Variants in ESF1 observed in about 807,000 individuals in gnomAD.
ESF1 encodes ESF1 nucleolar pre-rRNA processing protein, also known as ESF1 homolog.
Under a neutral mutation model 92.0 loss-of-function variants are expected in ESF1, and 58 were observed. The observed-to-expected ratio is 0.63, with a 90% CI of 0.51 to 0.78. The LOEUF (loss-of-function observed/expected upper bound fraction) is 0.78, where lower values mean the gene tolerates loss of function less well. Ranked by LOEUF, ESF1 falls within the 30% of genes least tolerant of loss-of-function variation. ESF1 has a pLI of 0.00. For missense variants in ESF1, 922 were observed against 989.1 expected, an observed-to-expected ratio of 0.93 and a Z score of 0.91; for synonymous variants, 321 against 313.7, an observed-to-expected ratio of 1.02 and a Z score of -0.24.
intron 10 of ESF1, among the ~76,000 whole-genome samples, chr20:13,732,691 C>G (rs1362858617): frequency 6.6e-6 from 1 of 152,026 alleles, no homozygotes; most frequent in Non-Finnish European, 1.5e-5. Flanking sequence ...CCCCAAGCTG[C>G]AAAATTTTGT....
At chr20:13,734,265 TA>T in intron 9 of ESF1, among the ~76,000 whole-genome samples, 1 of 152,328 alleles carries the variant, frequency 6.6e-6, no homozygotes, top group South Asian at 2.1e-4. Flanking sequence ...TGTCTTTAAT[TA>T]TCCCCACTTG....
chr20:13,735,132 T>A (rs545835030), intron 9 of ESF1, among the ~76,000 whole-genome samples: 6 of 152,024 alleles, frequency 3.9e-5, no homozygotes, highest in Admixed American at 3.9e-4. Context: ...TTTCCCCCCC[T>A]CAAAACATTT....
chr20:13,737,840 A>T (rs2147737395), intron 9 of ESF1, among the ~76,000 whole-genome samples: 1 of 152,336 alleles, frequency 6.6e-6, no homozygotes, highest in African/African-American at 2.4e-5. Context: ...TATTTTTAGT[A>T]GAGACAGGGT....
intron 9 of ESF1, among the ~76,000 whole-genome samples, chr20:13,753,023 T>C (rs2147754545): frequency 6.6e-6 from 1 of 152,158 alleles, no homozygotes; most frequent in East Asian, 1.9e-4. Flanking sequence ...TCTAGAACTC[T>C]GTGTGCTCCT....
chr20:13,776,383 T>A, intron 2 of ESF1, 113 bp from the exon 3 acceptor site: 2 of 974,200 alleles, frequency 2.1e-6, no homozygotes, highest in Non-Finnish European at 1.5e-6. Flanking sequence ...TGAAACACAG[T>A]AAAGACAAAT....
intron 11 of ESF1, among the ~76,000 whole-genome samples, chr20:13,723,333 G>T (rs73094118): frequency 0.1 from 15,628 of 151,450 alleles, 858 homozygotes; most frequent in Non-Finnish European, 0.13. Context: ...TCCCTCTAGG[G>T]TTAATCTCCC....
chr20:13,765,985 A>C (rs1169366456), intron 8 of ESF1, among the ~76,000 whole-genome samples: 2 of 152,232 alleles, frequency 1.3e-5, no homozygotes, highest in African/African-American at 4.8e-5. Flanking sequence ...TAAGTAAAAA[A>C]TATAATAACC....
chr20:13,778,207 T>TAAAA (rs1980028050), intron 2 of ESF1, among the ~76,000 whole-genome samples: 1 of 152,180 alleles, frequency 6.6e-6, no homozygotes, highest in Non-Finnish European at 1.5e-5. Flanking sequence ...AATGGGCTTT[T>TAAAA]ATGTTACCAC....
At chr20:13,771,185 A>G (rs1979665039) in intron 6 of ESF1, 146 bp downstream of exon 6, 1 of 664,944 alleles carries the variant, frequency 1.5e-6, no homozygotes, top group East Asian at 2.7e-5. Context: ...CTTTCTTAGG[A>G]GTGATGTTCC....
At position 13,782,501 on chromosome 20, in the gene ESF1, T is replaced by C; in HGVS notation, c.637+3A>G. 2 of 1,499,912 alleles carry C rather than the reference T, an allele frequency of 1.3e-6. No individual in the cohort carries two copies. The highest frequency in any genetic ancestry group is 1.8e-6 in the Non-Finnish European group (2 of 1,132,084). The allele number at this position is 1,499,912 out of a possible 1,614,324, so 92.9% of individuals were successfully genotyped here. A position where few individuals can be genotyped will look rare whatever the true frequency, so the allele number is the denominator to read the frequency against. ...CAAGAATCTCTAATTTTTTCCAACC[T>C]ACCTGATTGCATTTCTCTTCTTGTC... On this transcript the variant is annotated splice_donor_region_variant and intron_variant, in intron 2 of 13. Transcript: ENST00000617257.
intron 9 of ESF1, among the ~76,000 whole-genome samples, chr20:13,741,672 C>A (rs891805474): frequency 6.6e-6 from 1 of 152,152 alleles, no homozygotes; most frequent in Non-Finnish European, 1.5e-5. Flanking sequence ...CCAAACCTTA[C>A]ATCTTTTAGT....
intron 10 of ESF1, among the ~76,000 whole-genome samples, chr20:13,732,527 T>C (rs1234082613): frequency 1.3e-5 from 2 of 152,028 alleles, no homozygotes; most frequent in Non-Finnish European, 2.9e-5. Context: ...ATAGAAACAG[T>C]ATAGTGGGGA....
At chr20:13,747,833 C>T (rs1229002201) in intron 9 of ESF1, among the ~76,000 whole-genome samples, 1 of 152,112 alleles carries the variant, frequency 6.6e-6, no homozygotes, top group Non-Finnish European at 1.5e-5. Context: ...GTGTGAACAT[C>T]GTAATAGAGT....
rs1979933134 is a variant in ESF1 at position 13,776,179 on chromosome 20, T to C, written c.729A>G (p.Ser243=). Residue 243 remains serine (S), a synonymous_variant, in exon 3 of 14, where the codon TCA becomes TCG. Transcript: ENST00000617257. ...CACTTCCTATTTCACTAACGCTTTC[T>C]GAATCTTCCTCCAGAGCATCTTTGT... ...MCDKDALEED[S]ESVSEIGSDE... The C allele has an allele frequency of 6.2e-7, 1 of 1,613,860 alleles. No homozygotes were observed. Among genetic ancestry groups the C allele is most frequent in the Non-Finnish European group, 8.5e-7 (1 of 1,179,928 alleles).
chr20:13,742,365 T>C (rs542036239), intron 9 of ESF1, among the ~76,000 whole-genome samples: 14 of 152,030 alleles, frequency 9.2e-5, no homozygotes, highest in African/African-American at 3.4e-4. Flanking sequence ...CCCAGCTACT[T>C]GGGAGGCTGA....
chr20:13,736,862 T>G (rs758515040), intron 9 of ESF1, among the ~76,000 whole-genome samples: 32 of 152,218 alleles, frequency 2.1e-4, no homozygotes, highest in Non-Finnish European at 4.6e-4. Flanking sequence ...AATTTTTTTT[T>G]GCCTGGCTCT....
chr20:13,759,618 G>C, intron 9 of ESF1, 74 bp downstream of exon 9: 1 of 1,519,324 alleles, frequency 6.6e-7, no homozygotes, highest in South Asian at 1.3e-5. Flanking sequence ...AACATTTCCG[G>C]CTCCTTCATA....
At chr20:13,779,300 A>G (rs1315754439) in intron 2 of ESF1, among the ~76,000 whole-genome samples, 4 of 152,202 alleles carry the variant, frequency 2.6e-5, no homozygotes, top group South Asian at 2.1e-4. Flanking sequence ...AAAAAAAGTT[A>G]GGAAAATATG....
intron 8 of ESF1, among the ~76,000 whole-genome samples, chr20:13,764,445 T>G (rs568654910): frequency 1.3e-5 from 2 of 152,250 alleles, no homozygotes; most frequent in East Asian, 3.9e-4. Context: ...GCATATACAT[T>G]TAAAAGTACA....
Sources: allele counts gnomAD v4.1 joint callset (sites outside exome capture counted in the v4.1 genomes callset), GRCh38; gene constraint gnomAD v4.1.1; transcripts MANE v1.5; gene names NCBI Gene and HGNC (gene_info 2026-07-23, HGNC 2026-07-21).